Variants in DHPS observed in about 807,000 individuals in gnomAD.
DHPS encodes the protein deoxyhypusine synthase.
DHPS carries 24 observed loss-of-function variants against 38.7 expected under a neutral mutation model. That is an observed-to-expected ratio of 0.62 (90% confidence interval 0.45 to 0.87). DHPS has a LOEUF of 0.87. Among genes scored for constraint, DHPS ranks in the 40% least tolerant of loss-of-function variants. The probability of loss-of-function intolerance (pLI) is 0.00; values close to 1 mark genes in which losing one functional copy is unlikely to be tolerated. For missense variants in DHPS, 510 were observed against 497.6 expected (o/e 1.02, Z -0.24); for synonymous variants, 250 against 204.4 (o/e 1.22, Z -1.90).
At chr19:12,676,646 C>T in intron 7 of DHPS, 1 of 241,436 alleles carries the variant, frequency 4.1e-6, no homozygotes, top group Non-Finnish European at 8.3e-6. Flanking sequence ...ACCTCCTGGC[C>T]CTCACCACTC....
chr19:12,677,641 T>C (rs1351985445), intron 5 of DHPS, among the ~76,000 whole-genome samples: 1 of 152,100 alleles, frequency 6.6e-6, no homozygotes, highest in Non-Finnish European at 1.5e-5. Context: ...TCTCTCTCTT[T>C]TTTTTTATTC....
At chr19:12,680,861 G>C (rs2024784678) in intron 1 of DHPS, among the ~76,000 whole-genome samples, 1 of 112,184 alleles carries the variant, frequency 8.9e-6, no homozygotes, top group East Asian at 2.6e-4. Flanking sequence ...TTGAGACAGA[G>C]TATCGCTCTG....
At chr19:12,672,881 A>T, downstream of DHPS, 1 of 1,596,150 alleles carries the variant, frequency 6.3e-7, no homozygotes. Flanking sequence ...CTATGACCTA[A>T]GGATGGGGCA....
chr19:12,679,339 C>T lies in DHPS; in HGVS notation c.678+118G>A, dbSNP rs2024720427. On this transcript the variant is annotated intron_variant, in intron 5 of 8. Transcript: ENST00000210060. ...ACCACGCCTATCTGTGTTTGAGTCT[C>T]CTCATCTAAGAGTGAGGATGCTGAG... 3.7e-5 allele frequency: 37 copies of T among 995,808 alleles called. 2 individuals are homozygous for T. The South Asian group carries it at 4.2e-4, about 11-fold the overall frequency. 61.7% of individuals were successfully genotyped at this position (995,808 alleles called of 1,614,324 possible). A position where few individuals can be genotyped will look rare whatever the true frequency, so the allele number is the denominator to read the frequency against.
Position 12,680,328 on chromosome 19 carries a change from G to A in DHPS, c.208-3C>T, listed in dbSNP as rs777271423. 1.2e-6 allele frequency: 2 copies of A among 1,614,092 alleles called. No homozygotes were observed. The highest frequency in any genetic ancestry group is 1.7e-5 in the Admixed American group (1 of 60,006). On this transcript the variant is annotated splice_region_variant and splice_polypyrimidine_tract_variant and intron_variant, in intron 1 of 8. Coordinates refer to ENST00000210060, the MANE Select transcript of DHPS (RefSeq NM_001930.4). ...AGTGGTTCCAGCTTCTTCTCGATCTGTGAGTAAGGGCCAAGTCAAGTTAAG... is the reference window on the plus strand; with the variant it reads ...AGTGGTTCCAGCTTCTTCTCGATCTATGAGTAAGGGCCAAGTCAAGTTAAG...
At chr19:12,676,199 A>ACG in intron 7 of DHPS, 57 bp from the exon 8 acceptor site, 2 of 1,552,148 alleles carry the variant, frequency 1.3e-6, no homozygotes, top group Non-Finnish European at 1.7e-6. Flanking sequence ...AGACAGACAC[A>ACG]GAGGGAGGAC....
Position 12,681,767 on chromosome 19 carries a change from G to T in DHPS, c.-1C>A, listed in dbSNP as rs1313498732. 1 of 1,606,940 alleles carries T rather than the reference G, an allele frequency of 6.2e-7. No homozygotes were observed. Among genetic ancestry groups the T allele is most frequent in the Admixed American group, 1.7e-5 (1 of 59,994 alleles). On this transcript the variant is annotated 5_prime_UTR_variant, in exon 1 of 9. Transcript: ENST00000210060. ...CCTCCCGTTCCAGGGAACCTTCCAT[G>T]CGCCTATAGCCGGCTCTCGAGTCAA...
rs1219099898 is a variant in DHPS, at chr19:12,677,325, G to A, written c.750C>T (p.Tyr250=). 5 of 1,614,162 alleles carry A rather than the reference G, an allele frequency of 3.1e-6. No individual in the cohort carries two copies. In the Middle Eastern group the frequency reaches 4.9e-4, roughly 160 times the overall value. The change falls in exon 6 of 9, where the codon TAC becomes TAT. Residue 250 remains tyrosine, a synonymous_variant. Coordinates refer to ENST00000210060, the MANE Select transcript of DHPS (RefSeq NM_001930.4). Reference sequence around the variant, plus strand: ...TGTCCAGGACCAGGCCCGGGTTCTTGTAGGAATGGAAGAAGATCATGTCGC... The same window carrying A: ...TGTCCAGGACCAGGCCCGGGTTCTTATAGGAATGGAAGAAGATCATGTCGC... ...SLGDMIFFHS[Y]KNPGLVLDIV... is the part of the protein sequence containing the mutation.
In DHPS at chr19:12,681,565, C is replaced by T. The variant is rs1047278032; in HGVS notation, c.202G>A (p.Ala68Thr). 1 of 1,614,282 alleles carries T rather than the reference C, an allele frequency of 6.2e-7. No homozygotes were observed. ...NFGRAVQQVN[A>T]MIEKKLEPLS... ...AAATTCCGCCCGGTCCTCACCATGGCATTGACTTGCTGTACAGCGCGCCCG... is the reference window on the plus strand; with the variant it reads ...AAATTCCGCCCGGTCCTCACCATGGTATTGACTTGCTGTACAGCGCGCCCG... The change falls in exon 1 of 9, where the codon GCC becomes ACC. Residue 68 changes from alanine to threonine, a missense_variant. Ala to Thr is a moderately conservative substitution (Grantham distance 58). Coordinates refer to ENST00000210060, the MANE Select transcript of DHPS (RefSeq NM_001930.4).
Position 12,681,774 on chromosome 19 carries a change from T to C in DHPS, c.-8A>G, listed in dbSNP as rs759352878. 5.0e-6 allele frequency: 8 copies of C among 1,604,308 alleles called. No homozygotes were observed. The Admixed American group carries it at 6.7e-5, about 13-fold the overall frequency. On this transcript the variant is annotated 5_prime_UTR_variant, in exon 1 of 9. Coordinates refer to ENST00000210060, the MANE Select transcript of DHPS (RefSeq NM_001930.4). ...TTCCAGGGAACCTTCCATGCGCCTA[T>C]AGCCGGCTCTCGAGTCAAAGCTGCC...
In DHPS at chr19:12,680,412, C is replaced by T. The variant is rs139069856; in HGVS notation, c.208-87G>A. 9.0e-4 allele frequency: 1,294 copies of T among 1,439,664 alleles called. 6 individuals are homozygous for T. The African/African-American group carries it at 0.014, about 15-fold the overall frequency. The allele number at this position is 1,439,664 out of a possible 1,614,324, so 89.2% of individuals were successfully genotyped here. ...GTGGGCTCCAGAAACAGATTTCACC[C>T]CAGGCCCTGCACATTCAGGGATACA... On this transcript the variant is annotated intron_variant, in intron 1 of 8. Transcript: ENST00000210060.
chr19:12,679,375 C>T lies in DHPS; in HGVS notation c.678+82G>A, dbSNP rs576293207. On this transcript the variant is annotated intron_variant, in intron 5 of 8. Transcript: ENST00000210060. ...AGTGAGGATGCTGAGAATAACAGTA[C>T]TGAATCCCCAGGAGGCTGGAAAGAT... is the stretch of plus-strand genomic sequence containing the variant. 3.4e-4 allele frequency: 444 copies of T among 1,291,390 alleles called. 1 individual carries two copies. Among genetic ancestry groups the T allele is most frequent in the South Asian group, 1.6e-3 (137 of 83,870 alleles). The allele number at this position is 1,291,390 out of a possible 1,614,324, so 80.0% of individuals were successfully genotyped here. A position where few individuals can be genotyped will look rare whatever the true frequency, so the allele number is the denominator to read the frequency against.
chr19:12,676,137 G>A lies in DHPS; in HGVS notation c.894C>T (p.Asn298=), dbSNP rs746394796. 157 of 1,609,258 alleles carry A rather than the reference G, an allele frequency of 9.8e-5. No individual in the cohort carries two copies. Among genetic ancestry groups the A allele is most frequent in the Admixed American group, 2.0e-4 (12 of 59,702 alleles). The part of the protein sequence containing the change: ...HHIANANLMR[N]GADYAVYINT... ...TGATGTAAACAGCGTAGTCGGCCCCGTTCCGCTGTGGGGAGGCGGGGGCAC... is the reference window on the plus strand; with the variant it reads ...TGATGTAAACAGCGTAGTCGGCCCCATTCCGCTGTGGGGAGGCGGGGGCAC... The change falls in exon 8 of 9, where the codon AAC becomes AAT. Residue 298 remains asparagine (N), a synonymous_variant. Coordinates refer to ENST00000210060, the MANE Select transcript of DHPS (RefSeq NM_001930.4).
downstream of DHPS, chr19:12,675,448 G>T: frequency 6.4e-7 from 1 of 1,553,678 alleles, no homozygotes; most frequent in Non-Finnish European, 8.7e-7. Context: ...GACTGAGATG[G>T]GGGGTGCCCA....
In DHPS at chr19:12,675,946, G is replaced by A. The variant is rs778703568; in HGVS notation, c.1015-13C>T. 37 of 1,602,658 alleles carry A rather than the reference G, an allele frequency of 2.3e-5. No individual in the cohort carries two copies. The highest frequency in any genetic ancestry group is 3.1e-5 in the Non-Finnish European group (36 of 1,173,262). On this transcript the variant is annotated splice_polypyrimidine_tract_variant and intron_variant, in intron 8 of 8. Transcript: ENST00000210060. ...CGTCAGCATAGACCTGGGTAGGGGGGAACCTGGGTAAGCCATGGGACCCAC... is the reference window on the plus strand; with the variant it reads ...CGTCAGCATAGACCTGGGTAGGGGGAAACCTGGGTAAGCCATGGGACCCAC...
At chr19:12,680,393 TC>T in intron 1 of DHPS, 68 bp from the exon 2 acceptor site, 1 of 1,573,394 alleles carries the variant, frequency 6.4e-7, no homozygotes, top group Non-Finnish European at 8.7e-7. Flanking sequence ...CCAGGTGGGC[TC>T]CAGAAACAGA....
chr19:12,681,224 A>G, intron 1 of DHPS: 3 of 1,243,858 alleles, frequency 2.4e-6, no homozygotes, highest in Non-Finnish European at 3.1e-6. Flanking sequence ...AGAACCGCCC[A>G]GACTTAGGCT....
At chr19:12,676,194 G>GACAC (rs2024581326) in intron 7 of DHPS, 52 bp from the exon 8 acceptor site, 2 of 1,557,796 alleles carry the variant, frequency 1.3e-6, no homozygotes, top group Non-Finnish European at 1.7e-6. Flanking sequence ...ACAGGAGACA[G>GACAC]ACACAGAGGG....
intron 5 of DHPS, among the ~76,000 whole-genome samples, chr19:12,678,214 C>G (rs751476394): frequency 6.6e-6 from 1 of 150,380 alleles, no homozygotes; most frequent in Admixed American, 6.6e-5. Flanking sequence ...GCCAAGATTG[C>G]GCCATTGGAC....
Sources: gnomAD v4.1 joint callset for allele counts (sites outside exome capture counted in the v4.1 genomes callset) on GRCh38, gnomAD v4.1.1 for gene constraint, MANE v1.5 for transcripts, NCBI Gene and HGNC (gene_info 2026-07-23, HGNC 2026-07-21) for gene names.